Variants in LOXL2 observed in about 807,000 individuals in gnomAD.
LOXL2 encodes lysyl oxidase like 2.
A neutral mutation model predicts 93.0 loss-of-function variants in LOXL2; 70 were observed. That is an observed-to-expected ratio of 0.75 (90% CI 0.62 to 0.92). The LOEUF is 0.92. LOXL2 is among the 40% of genes least tolerant of loss of function. The probability of loss-of-function intolerance (pLI) is 0.00; values close to 1 mark genes in which losing one functional copy is unlikely to be tolerated. For missense variants in LOXL2, 973 were observed against 1,054.9 expected, an observed-to-expected ratio of 0.92 and a Z score of 1.08; for synonymous variants, 438 against 413.2, an observed-to-expected ratio of 1.06 and a Z score of -0.73.
chr8:23,402,903 C>T (rs1800170294), intron 1 of LOXL2: 1 of 152,214 alleles, frequency 6.6e-6, no homozygotes, highest in Non-Finnish European at 1.5e-5. Flanking sequence ...GTTTCCTAAC[C>T]ATATTGAGTA....
chr8:23,360,403 A>G lies in LOXL2; in HGVS notation c.356-138T>C, dbSNP rs1804270705. The G allele has an allele frequency of 2.6e-5, 16 of 607,660 alleles. No individual in the cohort carries two copies. The South Asian group carries it at 3.3e-4, about 13-fold the overall frequency. The allele number at this position is 607,660 out of a possible 1,614,324, so 37.6% of individuals were successfully genotyped here. A position where few individuals can be genotyped will look rare whatever the true frequency, so the allele number is the denominator to read the frequency against. On this transcript the variant is annotated intron_variant, in intron 2 of 13. Coordinates refer to ENST00000389131, the MANE Select transcript of LOXL2 (RefSeq NM_002318.3). ...GTGTGTGGCCATCCATTTTTATTAT[A>G]TTAAGATATTGCACATAACTCTAAA...
chr8:23,346,620 G>T (rs1192541974), intron 3 of LOXL2, among the ~76,000 whole-genome samples: 2 of 152,178 alleles, frequency 1.3e-5, no homozygotes, highest in Admixed American at 1.3e-4. Context: ...TCGCCAATGA[G>T]GAAAAATCAC....
intron 5 of LOXL2, among the ~76,000 whole-genome samples, chr8:23,330,649 C>A (rs1313398429): frequency 6.6e-6 from 1 of 152,186 alleles, no homozygotes; most frequent in East Asian, 1.9e-4. Flanking sequence ...TTGGTATGAA[C>A]TTGATTCCTT....
Position 23,303,384 on chromosome 8 carries a change from T to G in LOXL2, c.1894A>C (p.Met632Leu), listed in dbSNP as rs1401390085. ...AGGTCATAGTGGGTGAACACCTCCA[T>G]GCTGTGGTAGTGCCTGGAGCGAGAG... ...WHDCHRHYHS[M>L]EVFTHYDLLN... Residue 632 changes from methionine (M) to leucine (L), a missense_variant, in exon 11 of 14, where the codon ATG (methionine) becomes CTG (leucine). By Grantham distance (15) the Met-to-Leu change is conservative. Coordinates refer to ENST00000389131, the MANE Select transcript of LOXL2 (RefSeq NM_002318.3). 1 of 1,606,334 alleles carries G rather than the reference T, an allele frequency of 6.2e-7. No homozygotes were observed. Among genetic ancestry groups the G allele is most frequent in the South Asian group, 1.1e-5 (1 of 90,976 alleles).
intron 1 of LOXL2, among the ~76,000 whole-genome samples, chr8:23,387,793 T>C (rs1458285416): frequency 1.3e-5 from 2 of 151,680 alleles, no homozygotes; most frequent in Non-Finnish European, 2.9e-5. Flanking sequence ...CTACCAAAAA[T>C]ACAAAAATTA....
chr8:23,402,282 C>T (rs909106088), intron 1 of LOXL2, among the ~76,000 whole-genome samples: 2 of 152,174 alleles, frequency 1.3e-5, no homozygotes, highest in African/African-American at 4.8e-5. Context: ...TGCACACATA[C>T]ATGTGCCCAC....
chr8:23,344,043 G>A (rs1040804297), intron 3 of LOXL2, among the ~76,000 whole-genome samples: 3 of 152,228 alleles, frequency 2.0e-5, no homozygotes, highest in Non-Finnish European at 2.9e-5. Context: ...CTGCAGGGAA[G>A]GTGTGACCCC....
chr8:23,341,096 G>T lies in LOXL2; in HGVS notation c.639C>A (p.Thr213=), dbSNP rs767517233. 2.3e-5 allele frequency: 37 copies of T among 1,614,084 alleles called. No homozygotes were observed. The highest frequency in any genetic ancestry group is 3.1e-5 in the Non-Finnish European group (37 of 1,180,030). Residue 213 remains threonine (T), a synonymous_variant, in exon 4 of 14, where the codon ACC becomes ACA. Coordinates refer to ENST00000389131, the MANE Select transcript of LOXL2 (RefSeq NM_002318.3). The stretch of plus-strand genomic sequence containing the variant: ...AGTGCTTGTCACAGATCTGCTTCCA[G>T]GTCTTGCCCTCCTTCACCTCCACGT... ...EGYVEVKEGK[T]WKQICDKHWT...
chr8:23,305,440 T>G (rs1000408310), intron 10 of LOXL2, among the ~76,000 whole-genome samples: 1 of 152,208 alleles, frequency 6.6e-6, no homozygotes, highest in African/African-American at 2.4e-5. Context: ...CTTAGGCGTA[T>G]GCGGTCATCC....
At chr8:23,360,573 T>C (rs1279204074) in intron 2 of LOXL2, among the ~76,000 whole-genome samples, 1 of 152,170 alleles carries the variant, frequency 6.6e-6, no homozygotes, top group African/African-American at 2.4e-5. Context: ...CAAGCTGGGT[T>C]TGAGTTCTCG....
intron 1 of LOXL2, among the ~76,000 whole-genome samples, chr8:23,369,829 G>A (rs922597625): frequency 6.6e-6 from 1 of 152,282 alleles, no homozygotes; most frequent in East Asian, 1.9e-4. Flanking sequence ...CCCCCTAGTA[G>A]TGTGGCTCTG....
chr8:23,394,283 C>T (rs1800059878), intron 1 of LOXL2, among the ~76,000 whole-genome samples: 1 of 151,688 alleles, frequency 6.6e-6, no homozygotes, highest in South Asian at 2.1e-4. Flanking sequence ...GTCCCAGCTA[C>T]TCGGGAGGCT....
chr8:23,300,191 G>C (rs1016424065), intron 12 of LOXL2, among the ~76,000 whole-genome samples: 2 of 152,244 alleles, frequency 1.3e-5, no homozygotes, highest in African/African-American at 2.4e-5. Flanking sequence ...GCAAGGGCTC[G>C]TGTTGGGGAC....
At chr8:23,387,703 A>G (rs557787002) in intron 1 of LOXL2, among the ~76,000 whole-genome samples, 12 of 152,280 alleles carry the variant, frequency 7.9e-5, no homozygotes, top group Admixed American at 7.2e-4. Context: ...TAATCCCAGC[A>G]CTTTGGGAGG....
chr8:23,311,621 G>A (rs1471352685), intron 9 of LOXL2, among the ~76,000 whole-genome samples: 3 of 152,322 alleles, frequency 2.0e-5, no homozygotes, highest in East Asian at 3.9e-4. Flanking sequence ...CAGCTGCCAT[G>A]GGTTGGGGAC....
intron 4 of LOXL2, among the ~76,000 whole-genome samples, chr8:23,338,434 G>T (rs1453876380): frequency 6.6e-6 from 1 of 151,926 alleles, no homozygotes; most frequent in Admixed American, 6.5e-5. Flanking sequence ...GGGGCCCAAG[G>T]TGGGGGGCCC....
intron 1 of LOXL2, among the ~76,000 whole-genome samples, chr8:23,381,631 G>A (rs1033791239): frequency 6.6e-6 from 1 of 152,152 alleles, no homozygotes; most frequent in Non-Finnish European, 1.5e-5. Context: ...TGGAGATTAT[G>A]TCTCCCTGCC....
intron 1 of LOXL2, among the ~76,000 whole-genome samples, chr8:23,382,735 T>C (rs951340474): frequency 1.3e-5 from 2 of 152,130 alleles, no homozygotes. Context: ...GTCTAGGACC[T>C]GAATCCCTCT....
At chr8:23,369,052 G>T (rs965887025) in intron 1 of LOXL2, among the ~76,000 whole-genome samples, 1 of 152,212 alleles carries the variant, frequency 6.6e-6, no homozygotes, top group African/African-American at 2.4e-5. Context: ...GCCCGTGTGG[G>T]ACAGCCTCCT....
Sources: gnomAD v4.1 joint callset for allele counts (sites outside exome capture counted in the v4.1 genomes callset) on GRCh38, gnomAD v4.1.1 for gene constraint, MANE v1.5 for transcripts, NCBI Gene and HGNC (gene_info 2026-07-23, HGNC 2026-07-21) for gene names.